The following PPP1R16B variants were observed in gnomAD, a reference collection of about 807,000 sequenced individuals.
PPP1R16B encodes protein phosphatase 1 regulatory inhibitor subunit 16B.
PPP1R16B carries 14 observed loss-of-function variants against 61.7 expected under a neutral mutation model. The observed-to-expected ratio is 0.23, with a 90% CI of 0.15 to 0.35. The LOEUF is 0.35. PPP1R16B is among the 10% of genes least tolerant of loss of function. PPP1R16B has a pLI of 1.00. For missense variants in PPP1R16B, 547 were observed against 752.5 expected (o/e 0.73, Z 3.19); for synonymous variants, 266 against 305.3 (o/e 0.87, Z 1.34).
chr20:38,909,677 C>T (rs2085473563), intron 10 of PPP1R16B, among the ~76,000 whole-genome samples: 1 of 152,214 alleles, frequency 6.6e-6, no homozygotes, highest in Admixed American at 6.5e-5. Flanking sequence ...ACCGAGCATG[C>T]CCACGTGTCT....
chr20:38,813,027 T>G (rs1164686231), intron 1 of PPP1R16B, among the ~76,000 whole-genome samples: 2 of 152,204 alleles, frequency 1.3e-5, no homozygotes, highest in Admixed American at 1.3e-4. Flanking sequence ...AGCAAGGGTA[T>G]GGGAGACCCC....
At chr20:38,816,884 C>A (rs2084739138) in intron 1 of PPP1R16B, among the ~76,000 whole-genome samples, 1 of 152,132 alleles carries the variant, frequency 6.6e-6, no homozygotes, top group African/African-American at 2.4e-5. Context: ...GGTCCCAGGG[C>A]CCACCCTCCT....
At chr20:38,816,826 C>G (rs1469564851) in intron 1 of PPP1R16B, among the ~76,000 whole-genome samples, 1 of 152,248 alleles carries the variant, frequency 6.6e-6, no homozygotes, top group African/African-American at 2.4e-5. Flanking sequence ...AGTCCACCCT[C>G]TTACAGGAGG....
chr20:38,832,711 C>G (rs6028157), intron 1 of PPP1R16B, among the ~76,000 whole-genome samples: 112,686 of 151,906 alleles, frequency 0.74, 42,091 homozygotes, highest in African/African-American at 0.84. Flanking sequence ...CTGAGGTCAG[C>G]AGTTTGAGAC....
intron 2 of PPP1R16B, among the ~76,000 whole-genome samples, chr20:38,844,393 A>G (rs1288983838): frequency 3.9e-5 from 6 of 152,350 alleles, no homozygotes; most frequent in African/African-American, 1.4e-4. Flanking sequence ...TTTTTAGGAA[A>G]AAAAACACTG....
At chr20:38,875,368 C>G (rs2085158419) in intron 2 of PPP1R16B, among the ~76,000 whole-genome samples, 1 of 152,220 alleles carries the variant, frequency 6.6e-6, no homozygotes, top group South Asian at 2.1e-4. Context: ...CCTGTTTCCT[C>G]TCTGCCCACC....
At chr20:38,869,711 T>C (rs1383341032) in intron 2 of PPP1R16B, among the ~76,000 whole-genome samples, 2 of 152,152 alleles carry the variant, frequency 1.3e-5, no homozygotes, top group Admixed American at 6.5e-5. Flanking sequence ...GCTCAACTTA[T>C]ATGCGAAGAT....
chr20:38,896,884 C>T (rs1197014405), intron 4 of PPP1R16B, among the ~76,000 whole-genome samples: 5 of 152,186 alleles, frequency 3.3e-5, no homozygotes, highest in Admixed American at 1.3e-4. Flanking sequence ...CGGTAGCTCA[C>T]GCCTGTAATC....
chr20:38,872,092 G>A (rs1229036128), intron 2 of PPP1R16B, among the ~76,000 whole-genome samples: 2 of 152,180 alleles, frequency 1.3e-5, no homozygotes, highest in Non-Finnish European at 2.9e-5. Context: ...GTGGAGGGTG[G>A]CAGGCACTCT....
chr20:38,809,887 G>C (rs2084687251), intron 1 of PPP1R16B, among the ~76,000 whole-genome samples: 1 of 151,562 alleles, frequency 6.6e-6, no homozygotes, highest in Non-Finnish European at 1.5e-5. Context: ...AGGCTGAGGT[G>C]GGAGAATCAC....
rs111332119 is a variant in PPP1R16B at position 38,871,550 on chromosome 20, A to G, written c.251-18045A>G. 5.9e-5 allele frequency among the ~76,000 whole-genome samples: 8 copies of G among 136,554 alleles called. No individual in the cohort carries two copies. In the Admixed American group the frequency reaches 6.4e-4, roughly 11 times the overall value. 89.6% of individuals were successfully genotyped at this position (136,554 alleles called of 152,430 possible). A position where few individuals can be genotyped will look rare whatever the true frequency, so the allele number is the denominator to read the frequency against. On this transcript the variant is annotated intron_variant, in intron 2 of 10. Transcript: ENST00000299824. ...TGAAAGGGAAGGATTGAGAAGGAGG[A>G]GTGTAGGGAGGTAGAGAGTAAGGAA...
At chr20:38,844,802 G>A (rs940546289) in intron 2 of PPP1R16B, among the ~76,000 whole-genome samples, 37 of 152,178 alleles carry the variant, frequency 2.4e-4, no homozygotes, top group African/African-American at 8.7e-4. Flanking sequence ...CAGTGCAAAT[G>A]TCAACACAGT....
rs886660919 is a variant in PPP1R16B, at chr20:38,922,966, G to A, written c.*4300G>A. On this transcript the variant is annotated 3_prime_UTR_variant, in exon 11 of 11. Coordinates refer to ENST00000299824, the MANE Select transcript of PPP1R16B (RefSeq NM_015568.4). ...GAGTTGCTTCCAGCTGCCAAGGCCT[G>A]TGACAGAATTCGCTGTTAAGAGTTT... 6.6e-6 allele frequency: 1 copy of A among 152,286 alleles called. No homozygotes were observed. Among genetic ancestry groups the A allele is most frequent in the Non-Finnish European group, 1.5e-5 (1 of 68,054 alleles). 9.4% of individuals were successfully genotyped at this position (152,286 alleles called of 1,614,324 possible).
chr20:38,907,674 G>T lies in PPP1R16B; in HGVS notation c.899-132G>T. ...CAACTTTGGCTGGCATTGTTTTCTT[G>T]CCTCCCTGCATGCCCTGAAAGATGC... On this transcript the variant is annotated intron_variant, in intron 8 of 10. Transcript: ENST00000299824. The surrounding 1 kb of genome is among the most constrained non-coding windows in gnomAD (Gnocchi z 4.5). The T allele has an allele frequency of 8.0e-7, 1 of 1,244,976 alleles. No homozygotes were observed. The allele number at this position is 1,244,976 out of a possible 1,614,324, so 77.1% of individuals were successfully genotyped here. A position where few individuals can be genotyped will look rare whatever the true frequency, so the allele number is the denominator to read the frequency against.
chr20:38,862,333 G>A (rs1175112391), intron 2 of PPP1R16B, among the ~76,000 whole-genome samples: 1 of 152,174 alleles, frequency 6.6e-6, no homozygotes, highest in African/African-American at 2.4e-5. Context: ...AAACTATAAG[G>A]CGGAGGATAC....
intron 1 of PPP1R16B, among the ~76,000 whole-genome samples, chr20:38,810,138 G>A (rs2084690961): frequency 6.6e-6 from 1 of 152,228 alleles, no homozygotes; most frequent in African/African-American, 2.4e-5. Context: ...AGCATGTTGA[G>A]CCCTTCAGTG....
At chr20:38,840,051 G>A (rs373028763) in intron 2 of PPP1R16B, among the ~76,000 whole-genome samples, 2 of 152,254 alleles carry the variant, frequency 1.3e-5, no homozygotes, top group African/African-American at 2.4e-5. Context: ...TGGCAGGCTC[G>A]TGGGTTGGTT....
At chr20:38,915,447 C>T (rs1006501535) in intron 10 of PPP1R16B, among the ~76,000 whole-genome samples, 8 of 152,220 alleles carry the variant, frequency 5.3e-5, no homozygotes, top group East Asian at 1.9e-4. Context: ...ATGTTATATA[C>T]GTGGAATTAT....
At chr20:38,854,465 T>C (rs2084990221) in intron 2 of PPP1R16B, among the ~76,000 whole-genome samples, 1 of 152,262 alleles carries the variant, frequency 6.6e-6, no homozygotes, top group Non-Finnish European at 1.5e-5. Flanking sequence ...ATGGAAGAAA[T>C]TATTAGTTCA....
Sources: allele counts gnomAD v4.1 joint callset (sites outside exome capture counted in the v4.1 genomes callset), GRCh38; gene constraint gnomAD v4.1.1; non-coding constraint Gnocchi (gnomAD v3.1); transcripts MANE v1.5; gene names NCBI Gene and HGNC (gene_info 2026-07-23, HGNC 2026-07-21).